IYD: variants seen among roughly 807,000 people sequenced by gnomAD.
IYD encodes iodotyrosine deiodinase.
A neutral mutation model predicts 28.4 loss-of-function variants in IYD; 25 were observed. The observed-to-expected ratio is 0.88, with a 90% CI of 0.64 to 1.23. The LOEUF (loss-of-function observed/expected upper bound fraction) is 1.23. Ranked by LOEUF, IYD falls within the 50% of genes most tolerant of loss-of-function variation. The probability of loss-of-function intolerance (pLI) is 0.00; values close to 1 mark genes in which losing one functional copy is unlikely to be tolerated. For synonymous variants in IYD, 140 were observed against 130.8 expected, an observed-to-expected ratio of 1.07 and a Z score of -0.48; for missense variants, 352 against 357.9, an observed-to-expected ratio of 0.98 and a Z score of 0.13.
chr6:150,371,498 G>A (rs1777240319), intron 1 of IYD, among the ~76,000 whole-genome samples: 1 of 152,040 alleles, frequency 6.6e-6, no homozygotes, highest in South Asian at 2.1e-4. Context: ...AGACCCAAGA[G>A]GTTTGAGGAC....
chr6:150,396,666 A>G, intron 4 of IYD: 1 of 395,844 alleles, frequency 2.5e-6, no homozygotes, highest in East Asian at 4.6e-5. Context: ...CGAGGTCAGG[A>G]GATCGAGACC....
Position 150,404,504 on chromosome 6 carries a change from C to T in IYD, c.*6267C>T, listed in dbSNP as rs984619522. 6.6e-6 allele frequency: 1 copy of T among 152,042 alleles called. No individual in the cohort carries two copies. Among genetic ancestry groups the T allele is most frequent in the African/African-American group, 2.4e-5 (1 of 41,390 alleles). 9.4% of individuals were successfully genotyped at this position (152,042 alleles called of 1,614,324 possible). A position where few individuals can be genotyped will look rare whatever the true frequency, so the allele number is the denominator to read the frequency against. On this transcript the variant is annotated 3_prime_UTR_variant, in exon 5 of 5. Coordinates refer to ENST00000344419, the MANE Select transcript of IYD (RefSeq NM_203395.3). ...GCTTAAATATATGAGAATGTTTTGT[C>T]TTAATTGGTTATAATCTTGTCATAT...
chr6:150,394,260 G>C lies in IYD; in HGVS notation c.687+5G>C. Reference sequence around the variant, plus strand: ...ATCCTGCTAGCTGCCCTGCAGGTATGTTGAGACATCAAGGGTTACAGGGTG... The same window carrying C: ...ATCCTGCTAGCTGCCCTGCAGGTATCTTGAGACATCAAGGGTTACAGGGTG... On this transcript the variant is annotated splice_donor_5th_base_variant and intron_variant, in intron 4 of 4. Transcript: ENST00000344419. 1 of 1,614,090 alleles carries C rather than the reference G, an allele frequency of 6.2e-7. No homozygotes were observed. The highest frequency in any genetic ancestry group is 8.5e-7 in the Non-Finnish European group (1 of 1,179,944).
At chr6:150,388,705 C>CT (rs34498269) in intron 1 of IYD, among the ~76,000 whole-genome samples, 18,465 of 92,696 alleles carry the variant, frequency 0.2, 2,891 homozygotes, top group East Asian at 0.4. Flanking sequence ...CTTCCTTTCT[C>CT]TTTTTTTTTT....
chr6:150,381,317 G>T (rs1777638279), intron 1 of IYD, among the ~76,000 whole-genome samples: 1 of 152,160 alleles, frequency 6.6e-6, no homozygotes, highest in Non-Finnish European at 1.5e-5. Context: ...TACTTTTGCT[G>T]AACCTGAACT....
At chr6:150,377,703 G>T (rs12211918) in intron 1 of IYD, among the ~76,000 whole-genome samples, 17,888 of 152,192 alleles carry the variant, frequency 0.12, 1,207 homozygotes, top group Non-Finnish European at 0.14. Flanking sequence ...TGCTGAATGG[G>T]TCTTAAGACT....
In IYD at chr6:150,378,195, A is replaced by G. The variant is rs546048142; in HGVS notation, c.178+8986A>G. On this transcript the variant is annotated intron_variant, in intron 1 of 4. Coordinates refer to ENST00000344419, the MANE Select transcript of IYD (RefSeq NM_203395.3). Reference sequence around the variant, plus strand: ...TATTTTATTTTATTTTATTATTATTATACTTTAAGTTTTAGGGTACATGTG... The same window carrying G: ...TATTTTATTTTATTTTATTATTATTGTACTTTAAGTTTTAGGGTACATGTG... 5.1e-4 allele frequency among the ~76,000 whole-genome samples: 77 copies of G among 151,738 alleles called. 1 individual carries two copies. Among genetic ancestry groups the G allele is most frequent in the Non-Finnish European group, 8.4e-4 (57 of 67,980 alleles).
At chr6:150,370,339 G>A in intron 1 of IYD, 1 of 215,728 alleles carries the variant, frequency 4.6e-6, no homozygotes, top group Non-Finnish European at 7.9e-6. Context: ...GAGTGTGCGT[G>A]TGAGTGTGCA....
chr6:150,394,694 T>A (rs1778245985), intron 4 of IYD, among the ~76,000 whole-genome samples: 1 of 152,236 alleles, frequency 6.6e-6, no homozygotes. Flanking sequence ...AAGAAGGTCA[T>A]GTGCTTTTCA....
In IYD at chr6:150,402,511, A is replaced by G. The variant is rs1266570012; in HGVS notation, c.*4274A>G. On this transcript the variant is annotated 3_prime_UTR_variant, in exon 5 of 5. Coordinates refer to ENST00000344419, the MANE Select transcript of IYD (RefSeq NM_203395.3). ...CTGGATTTGGAAAACAAAACTGGATATAACAGAAAAGAAAAGGAGGGGAGA... is the reference window on the plus strand; with the variant it reads ...CTGGATTTGGAAAACAAAACTGGATGTAACAGAAAAGAAAAGGAGGGGAGA... 6.6e-6 allele frequency: 1 copy of G among 152,280 alleles called. No individual in the cohort carries two copies. Among genetic ancestry groups the G allele is most frequent in the African/African-American group, 2.4e-5 (1 of 41,468 alleles). The allele number at this position is 152,280 out of a possible 1,614,324, so 9.4% of individuals were successfully genotyped here.
At chr6:150,395,871 G>A (rs1400036419) in intron 4 of IYD, 1 of 578,754 alleles carries the variant, frequency 1.7e-6, no homozygotes, top group East Asian at 2.8e-5. Context: ...TTGTTATTTG[G>A]AGGCTTGGAA....
At position 150,404,067 on chromosome 6, in the gene IYD, T is replaced by C. The variant is rs1778582242; in HGVS notation, c.*5830T>C. On this transcript the variant is annotated 3_prime_UTR_variant, in exon 5 of 5. Transcript: ENST00000344419. ...ATAGTAACCACAGCACTCAGGGCAC[T>C]GTCTCCCAGCGCTGGAGTACTGTCT... 2 of 152,240 alleles carry C rather than the reference T, an allele frequency of 1.3e-5. No homozygotes were observed. The highest frequency in any genetic ancestry group is 6.5e-5 in the Admixed American group (1 of 15,284). The allele number at this position is 152,240 out of a possible 1,614,324, so 9.4% of individuals were successfully genotyped here.
At chr6:150,373,250 T>A (rs1777335850) in intron 1 of IYD, among the ~76,000 whole-genome samples, 2 of 152,210 alleles carry the variant, frequency 1.3e-5, no homozygotes, top group Non-Finnish European at 2.9e-5. Context: ...TCCTACAAAC[T>A]TGAGAAACAG....
At chr6:150,396,460 T>G in intron 4 of IYD, 1 of 698,208 alleles carries the variant, frequency 1.4e-6, no homozygotes, top group South Asian at 1.5e-5. Flanking sequence ...ATATGGTCTG[T>G]GTATTTGCAG....
At chr6:150,375,608 G>GCTTT (rs1777417603) in intron 1 of IYD, among the ~76,000 whole-genome samples, 1 of 150,228 alleles carries the variant, frequency 6.7e-6, no homozygotes, top group Admixed American at 6.7e-5. Flanking sequence ...ACAAGGAAGT[G>GCTTT]GGTCAAAGCA....
At chr6:150,369,584 T>A (rs1777143476) in intron 1 of IYD, among the ~76,000 whole-genome samples, 1 of 152,154 alleles carries the variant, frequency 6.6e-6, no homozygotes, top group African/African-American at 2.4e-5. Flanking sequence ...CCAAGTGGCA[T>A]CACCTAGGAG....
chr6:150,386,227 T>C (rs2115040319), intron 1 of IYD, among the ~76,000 whole-genome samples: 1 of 152,232 alleles, frequency 6.6e-6, no homozygotes, highest in South Asian at 2.1e-4. Context: ...TTTGTTCCTA[T>C]CTAATGTATG....
chr6:150,393,409 C>T (rs891142842), intron 3 of IYD, among the ~76,000 whole-genome samples: 2 of 152,096 alleles, frequency 1.3e-5, no homozygotes, highest in African/African-American at 2.4e-5. Flanking sequence ...ATATTCATAG[C>T]GTAAGAGGAG....
rs146369688 is a variant in IYD at position 150,399,962 on chromosome 6, C to A, written c.*1725C>A. Reference sequence around the variant, plus strand: ...GGACACAAACATTCCGTCCATGGCACCTACTTCATAGGGTTTGGCATGCTG... The same window carrying A: ...GGACACAAACATTCCGTCCATGGCAACTACTTCATAGGGTTTGGCATGCTG... On this transcript the variant is annotated 3_prime_UTR_variant, in exon 5 of 5. Coordinates refer to ENST00000344419, the MANE Select transcript of IYD (RefSeq NM_203395.3). 6.6e-6 allele frequency: 1 copy of A among 152,376 alleles called. No individual in the cohort carries two copies. Among genetic ancestry groups the A allele is most frequent in the East Asian group, 1.9e-4 (1 of 5,180 alleles). 9.4% of individuals were successfully genotyped at this position (152,376 alleles called of 1,614,324 possible). A position where few individuals can be genotyped will look rare whatever the true frequency, so the allele number is the denominator to read the frequency against.
Sources: gnomAD v4.1 joint callset for allele counts (sites outside exome capture counted in the v4.1 genomes callset) on GRCh38, gnomAD v4.1.1 for gene constraint, MANE v1.5 for transcripts, NCBI Gene and HGNC (gene_info 2026-07-23, HGNC 2026-07-21) for gene names.